The following WWOX variants were observed in gnomAD, a reference collection of about 807,000 sequenced individuals.
WWOX encodes the protein WW domain containing oxidoreductase, also known as WW domain-containing oxidoreductase.
A neutral mutation model predicts 46.2 loss-of-function variants in WWOX; 69 were observed. The ratio of observed to expected loss-of-function variants is 1.49; its 90% CI spans 1.23 to 1.82. The LOEUF is 1.82. Among genes scored for constraint, WWOX ranks in the 40% most tolerant of loss-of-function variants. The pLI is 0.00. For synonymous variants in WWOX, 359 were observed against 202.6 expected (o/e 1.77, Z -6.56); for missense variants, 919 against 542.6 (o/e 1.69, Z -6.89).
At chr16:78,804,515 A>G (rs376565824) in intron 8 of WWOX, among the ~76,000 whole-genome samples, 4 of 152,200 alleles carry the variant, frequency 2.6e-5, no homozygotes, top group Non-Finnish European at 4.4e-5. Flanking sequence ...CGAAGCGCAT[A>G]TGTTCTGCGT....
chr16:79,141,704 T>G (rs1164384837), intron 8 of WWOX, among the ~76,000 whole-genome samples: 1 of 151,826 alleles, frequency 6.6e-6, no homozygotes, highest in African/African-American at 2.4e-5. Flanking sequence ...TCTCCAGTGC[T>G]TCTTGGTGTT....
chr16:78,338,546 C>G lies in WWOX; in HGVS notation c.517-48314C>G, dbSNP rs143545405. On this transcript the variant is annotated intron_variant, in intron 5 of 8. Transcript: ENST00000566780. ...AAATTCTGTAGTTTCCACAAGTAAC[C>G]AGAGAATTGTTCAAGGCAGAGAATT... 6.2e-3 allele frequency among the ~76,000 whole-genome samples: 745 copies of G among 120,624 alleles called. 224 individuals carry two copies. The highest frequency in any genetic ancestry group is 9.7e-3 in the Non-Finnish European group (489 of 50,506). The allele number at this position is 120,624 out of a possible 152,430, so 79.1% of individuals were successfully genotyped here. A position where few individuals can be genotyped will look rare whatever the true frequency, so the allele number is the denominator to read the frequency against.
intron 8 of WWOX, among the ~76,000 whole-genome samples, chr16:78,511,485 G>A (rs2085359061): frequency 1.3e-5 from 2 of 152,226 alleles, no homozygotes; most frequent in Admixed American, 6.5e-5. Context: ...ACTTCAGAGG[G>A]CAGGCCTGTT....
intron 8 of WWOX, chr16:79,110,851 G>A (rs1173880856): frequency 6.6e-6 from 1 of 152,146 alleles, no homozygotes; most frequent in African/African-American, 2.4e-5. Flanking sequence ...ACTTTTGTGA[G>A]TTTTCTCATC....
At chr16:78,191,529 G>A (rs558378093) in intron 5 of WWOX, among the ~76,000 whole-genome samples, 1 of 152,264 alleles carries the variant, frequency 6.6e-6, no homozygotes, top group South Asian at 2.1e-4. Flanking sequence ...TTGGATACCT[G>A]TTTTGTACAT....
chr16:78,245,670 C>T (rs1031070771), intron 5 of WWOX, among the ~76,000 whole-genome samples: 2 of 152,162 alleles, frequency 1.3e-5, no homozygotes, highest in African/African-American at 2.4e-5. Context: ...GTAGTGGGAA[C>T]GGAGTGGGGA....
chr16:78,680,261 T>C (rs2047698232), intron 8 of WWOX, among the ~76,000 whole-genome samples: 2 of 151,768 alleles, frequency 1.3e-5, no homozygotes, highest in African/African-American at 4.8e-5. Context: ...ATACAAAAAT[T>C]AGCCAGGTGT....
intron 6 of WWOX, among the ~76,000 whole-genome samples, chr16:78,422,297 T>C (rs1302480014): frequency 6.6e-6 from 1 of 152,006 alleles, no homozygotes; most frequent in African/African-American, 2.4e-5. Context: ...TTCCCTTTAT[T>C]GCATGCCAAT....
intron 5 of WWOX, among the ~76,000 whole-genome samples, chr16:78,321,414 ATGTGTG>A (rs1261949056): frequency 1.5e-5 from 2 of 134,208 alleles, no homozygotes; most frequent in African/African-American, 2.9e-5. Flanking sequence ...GTATATATAT[ATGTGTG>A]TATATATATA....
chr16:78,288,928 A>C (rs538030791), intron 5 of WWOX, among the ~76,000 whole-genome samples: 5 of 152,256 alleles, frequency 3.3e-5, no homozygotes, highest in Non-Finnish European at 5.9e-5. Context: ...AACAACAAAA[A>C]ATTTTCCTTG....
intron 4 of WWOX, among the ~76,000 whole-genome samples, chr16:78,129,786 T>C (rs1686785115): frequency 6.6e-6 from 1 of 152,104 alleles, no homozygotes; most frequent in Non-Finnish European, 1.5e-5. Context: ...ATGACAGTTT[T>C]GAAAAATCAG....
intron 5 of WWOX, among the ~76,000 whole-genome samples, chr16:78,240,685 G>A (rs750423489): frequency 1.3e-5 from 2 of 152,070 alleles, no homozygotes; most frequent in African/African-American, 2.4e-5. Context: ...GTTCGCAACT[G>A]TCATTCCAGA....
intron 8 of WWOX, among the ~76,000 whole-genome samples, chr16:79,051,086 A>T (rs1029512363): frequency 2.0e-5 from 3 of 152,214 alleles, no homozygotes; most frequent in African/African-American, 7.2e-5. Context: ...TGCCATCACA[A>T]CAGTAAAATA....
In WWOX at chr16:78,421,683, G is replaced by A. The variant is rs142299175; in HGVS notation, c.606-3187G>A. On this transcript the variant is annotated intron_variant, in intron 6 of 8. Coordinates refer to ENST00000566780, the MANE Select transcript of WWOX (RefSeq NM_016373.4). ...GTTGCTATGGGAATGGTCTGCCCCA[G>A]ATGCAGGTAAAATGGGGAAGCATTT... 5.1e-4 allele frequency among the ~76,000 whole-genome samples: 78 copies of A among 152,272 alleles called. No individual in the cohort carries two copies. In the East Asian group the frequency reaches 0.012, roughly 24 times the overall value.
At chr16:78,976,834 A>G (rs139136660) in intron 8 of WWOX, among the ~76,000 whole-genome samples, 99 of 152,340 alleles carry the variant, frequency 6.5e-4, no homozygotes, top group Non-Finnish European at 1.2e-3. Context: ...TGCCTGGTTC[A>G]GTTGCAAACA....
At chr16:78,484,962 A>C (rs918930005) in intron 8 of WWOX, among the ~76,000 whole-genome samples, 1 of 152,058 alleles carries the variant, frequency 6.6e-6, no homozygotes, top group African/African-American at 2.4e-5. Flanking sequence ...CTGGCAAGGC[A>C]CGCTCTGCTC....
At chr16:78,598,603 T>C (rs1320210060) in intron 8 of WWOX, among the ~76,000 whole-genome samples, 1 of 152,152 alleles carries the variant, frequency 6.6e-6, no homozygotes, top group East Asian at 1.9e-4. Context: ...CCTCCTGGCT[T>C]GGTGTGTTTT....
intron 2 of WWOX, 58 bp from the exon 3 acceptor site, chr16:78,109,718 ACC>A: frequency 6.3e-7 from 1 of 1,591,524 alleles, no homozygotes; most frequent in South Asian, 1.1e-5. Context: ...TCCCTTCCTG[ACC>A]CAGGGATGGT....
chr16:78,641,407 C>T (rs1053721473), intron 8 of WWOX, among the ~76,000 whole-genome samples: 5 of 152,058 alleles, frequency 3.3e-5, no homozygotes, highest in African/African-American at 9.7e-5. Context: ...TATCAATATC[C>T]GTGGCTCTTT....
Sources: gnomAD v4.1 joint callset for allele counts (sites outside exome capture counted in the v4.1 genomes callset) on GRCh38, gnomAD v4.1.1 for gene constraint, MANE v1.5 for transcripts, NCBI Gene and HGNC (gene_info 2026-07-23, HGNC 2026-07-21) for gene names.